PSME4: variants seen among roughly 807,000 people sequenced by gnomAD.
The protein encoded by PSME4 is proteasome activator complex subunit 4.
PSME4 carries 89 observed loss-of-function variants against 253.9 expected under a neutral mutation model. That is an observed-to-expected ratio of 0.35 (90% CI 0.30 to 0.42). The LOEUF is 0.42. Ranked by LOEUF, PSME4 falls within the 10% of genes least tolerant of loss-of-function variation. The pLI, the probability that PSME4 is intolerant of heterozygous loss-of-function variation, is 1.00. For missense variants in PSME4, 2,014 were observed against 2,195.2 expected, an observed-to-expected ratio of 0.92 and a Z score of 1.65; for synonymous variants, 851 against 759.2, an observed-to-expected ratio of 1.12 and a Z score of -1.99.
rs141132239 is a variant in PSME4, at chr2:53,866,764, C to T, written c.5380G>A (p.Asp1794Asn). 73 of 1,613,636 alleles carry T rather than the reference C, an allele frequency of 4.5e-5. No homozygotes were observed. Among genetic ancestry groups the T allele is most frequent in the Non-Finnish European group, 6.0e-5 (71 of 1,179,718 alleles). Residue 1794 changes from aspartate to asparagine, a missense_variant, in exon 45 of 47, where the codon GAT becomes AAT. By Grantham distance (23) the Asp-to-Asn change is conservative. This residue lies in a region of PSME4 where 403 missense variants were observed against 556.1 expected (regional missense o/e 0.72). Coordinates refer to ENST00000404125, the MANE Select transcript of PSME4 (RefSeq NM_014614.3). ...AACTGTACCTCAATAGGCTGAGGAT[C>T]ATTTAGATGTGCACTGAGATTCATG... The part of the protein sequence containing the change: ...LLMNLSAHLN[D>N]PQPIEMTVKK...
chr2:53,934,568 C>T (rs749546202), intron 8 of PSME4, 37 bp downstream of exon 8: 24 of 1,578,784 alleles, frequency 1.5e-5, no homozygotes, highest in East Asian at 9.0e-5. Flanking sequence ...ACAAAATAGG[C>T]GTAAACTACA....
intron 38 of PSME4, 34 bp downstream of exon 38, chr2:53,888,687 G>C: frequency 2.1e-6 from 3 of 1,433,986 alleles, no homozygotes; most frequent in Non-Finnish European, 2.9e-6. Context: ...AAAACCTTTC[G>C]TGTTAACCTC....
intron 3 of PSME4, among the ~76,000 whole-genome samples, chr2:53,946,263 A>T (rs1669693670): frequency 6.6e-6 from 1 of 152,256 alleles, no homozygotes; most frequent in Non-Finnish European, 1.5e-5. Context: ...ACTGAAGAAC[A>T]GGGTATCACT....
intron 1 of PSME4, among the ~76,000 whole-genome samples, chr2:53,966,359 CT>C (rs1272599387): frequency 6.6e-6 from 1 of 152,132 alleles, no homozygotes; most frequent in Admixed American, 6.5e-5. Flanking sequence ...AATCTAAAAT[CT>C]TGCCAGGATA....
chr2:53,915,489 T>C (rs1424307661), intron 20 of PSME4, among the ~76,000 whole-genome samples: 1 of 151,936 alleles, frequency 6.6e-6, no homozygotes, highest in East Asian at 1.9e-4. Context: ...CCTAGCACTT[T>C]GGGAGGCCCA....
At chr2:53,961,416 C>G (rs1334792108) in intron 1 of PSME4, among the ~76,000 whole-genome samples, 1 of 152,128 alleles carries the variant, frequency 6.6e-6, no homozygotes, top group African/African-American at 2.4e-5. Context: ...TGCCTGTAAT[C>G]CCAGCACTTT....
At chr2:53,944,307 C>A (rs963328008) in intron 3 of PSME4, among the ~76,000 whole-genome samples, 3 of 151,924 alleles carry the variant, frequency 2.0e-5, no homozygotes, top group Non-Finnish European at 4.4e-5. Context: ...TACAGGCATG[C>A]GCCATCACAC....
chr2:53,878,123 C>G lies in PSME4; in HGVS notation c.4816-2368G>C, dbSNP rs76945875. 5.3e-3 allele frequency among the ~76,000 whole-genome samples: 806 copies of G among 152,202 alleles called. 4 individuals carry two copies. Among genetic ancestry groups the G allele is most frequent in the Middle Eastern group, 0.01 (3 of 294 alleles). ...AGTCAGGGACCCCAAACGGAGGGACCGGCTGAAGCCATGGCAGAAGAACAT... is the reference window on the plus strand; with the variant it reads ...AGTCAGGGACCCCAAACGGAGGGACGGGCTGAAGCCATGGCAGAAGAACAT... On this transcript the variant is annotated intron_variant, in intron 41 of 46. Transcript: ENST00000404125.
chr2:53,966,549 A>G (rs992276872), intron 1 of PSME4, among the ~76,000 whole-genome samples: 9 of 151,490 alleles, frequency 5.9e-5, no homozygotes, highest in African/African-American at 2.2e-4. Flanking sequence ...CTATAATCCC[A>G]GCTACTCTGT....
At chr2:53,948,642 T>A in intron 2 of PSME4, 105 bp from the exon 3 acceptor site, 1 of 757,168 alleles carries the variant, frequency 1.3e-6, no homozygotes, top group Non-Finnish European at 2.2e-6. Flanking sequence ...CTCATCACCA[T>A]GGGTTTTGCT....
chr2:53,892,741 G>T, intron 36 of PSME4, 67 bp downstream of exon 36: 2 of 1,462,370 alleles, frequency 1.4e-6, no homozygotes, highest in South Asian at 1.4e-5. Flanking sequence ...AATGTGTTGG[G>T]AATTGCCACC....
intron 41 of PSME4, among the ~76,000 whole-genome samples, chr2:53,880,817 C>T (rs1043202438): frequency 3.3e-5 from 5 of 152,062 alleles, no homozygotes; most frequent in African/African-American, 4.8e-5. Flanking sequence ...AGGCATTACA[C>T]GTGGAGTTGT....
intron 44 of PSME4, among the ~76,000 whole-genome samples, chr2:53,867,257 C>G (rs1342442809): frequency 1.3e-5 from 2 of 152,136 alleles, no homozygotes; most frequent in African/African-American, 4.8e-5. Flanking sequence ...ATAATCCCAG[C>G]ACACTGAGAG....
chr2:53,968,309 C>G (rs1670847039), intron 1 of PSME4, among the ~76,000 whole-genome samples: 1 of 151,678 alleles, frequency 6.6e-6, no homozygotes, highest in Non-Finnish European at 1.5e-5. Flanking sequence ...TTAGTCCAAT[C>G]CCCTCATTTC....
intron 17 of PSME4, 94 bp downstream of exon 17, chr2:53,922,421 CAT>C (rs1401544100): frequency 4.6e-5 from 60 of 1,302,164 alleles, no homozygotes; most frequent in South Asian, 4.5e-4. Flanking sequence ...TCTGACTTTT[CAT>C]ATGTTTTAAA....
intron 14 of PSME4, among the ~76,000 whole-genome samples, 159 bp downstream of exon 14, chr2:53,925,380 G>A (rs1182387593): frequency 6.6e-6 from 1 of 152,134 alleles, no homozygotes; most frequent in Non-Finnish European, 1.5e-5. Context: ...TTGCAAATAC[G>A]AAATTTGCAA....
intron 20 of PSME4, among the ~76,000 whole-genome samples, chr2:53,917,727 T>G (rs1490833604): frequency 6.6e-6 from 1 of 152,194 alleles, no homozygotes; most frequent in Non-Finnish European, 1.5e-5. Flanking sequence ...GCTTTTTGCC[T>G]GCCATAAAAG....
intron 1 of PSME4, among the ~76,000 whole-genome samples, chr2:53,964,642 G>C (rs1213313069): frequency 1.3e-5 from 2 of 152,162 alleles, no homozygotes; most frequent in African/African-American, 4.8e-5. Context: ...TCAAACATTA[G>C]ATACTCTTAG....
intron 19 of PSME4, among the ~76,000 whole-genome samples, chr2:53,919,634 A>G (rs944449904): frequency 7.2e-5 from 11 of 152,238 alleles, no homozygotes; most frequent in African/African-American, 2.7e-4. Flanking sequence ...AGCAGTTCAG[A>G]GTACGACAGA....
Sources: allele counts gnomAD v4.1 joint callset (sites outside exome capture counted in the v4.1 genomes callset), GRCh38; gene constraint gnomAD v4.1.1; regional missense constraint gnomAD v4.1.1; transcripts MANE v1.5; gene names NCBI Gene and HGNC (gene_info 2026-07-23, HGNC 2026-07-21).